The following BOLL variants were observed in gnomAD, a reference collection of about 807,000 sequenced individuals.
The protein encoded by BOLL is boule RNA binding protein, also known as protein boule-like.
In BOLL, 23 loss-of-function variants were observed where a neutral mutation model predicts 44.4. The observed-to-expected ratio is 0.52, with a 90% confidence interval of 0.37 to 0.73. BOLL has a LOEUF of 0.73. Among genes scored for constraint, BOLL ranks in the 30% least tolerant of loss-of-function variants. BOLL has a pLI of 0.00. For missense variants in BOLL, 287 were observed against 338.3 expected, an observed-to-expected ratio of 0.85 and a Z score of 1.19; for synonymous variants, 97 against 110.8, an observed-to-expected ratio of 0.88 and a Z score of 0.78.
intron 5 of BOLL, 87 bp from the exon 6 acceptor site, chr2:197,772,069 T>C: frequency 8.8e-7 from 1 of 1,135,950 alleles, no homozygotes; most frequent in Non-Finnish European, 1.2e-6. Flanking sequence ...AAAATATTTA[T>C]CTTAATATAC....
chr2:197,731,765 A>G (rs955178397), intron 10 of BOLL, among the ~76,000 whole-genome samples: 3 of 152,022 alleles, frequency 2.0e-5, no homozygotes, highest in African/African-American at 7.3e-5. Flanking sequence ...TTTGAAACCA[A>G]CGAGAGCAAA....
chr2:197,755,901 TAAAATAA>T (rs1299095238), intron 9 of BOLL: 2 of 152,026 alleles, frequency 1.3e-5, no homozygotes, highest in African/African-American at 4.8e-5. Flanking sequence ...TAAAATAATA[TAAAATAA>T]AAAATATAAA....
intron 6 of BOLL, among the ~76,000 whole-genome samples, chr2:197,767,697 C>T (rs866157238): frequency 6.6e-6 from 1 of 151,890 alleles, no homozygotes; most frequent in Non-Finnish European, 1.5e-5. Flanking sequence ...AGGGATACTT[C>T]TAAACATCCT....
At chr2:197,786,098 C>T (rs1481093101), upstream of BOLL, 8 of 1,488,520 alleles carry the variant, frequency 5.4e-6, no homozygotes, top group Non-Finnish European at 7.2e-6. This position sits in a 1 kb window ranked among gnomAD's most constrained non-coding sequence, Gnocchi z 5.9. Flanking sequence ...CTTGTCCTGC[C>T]TGGGACTCTC....
chr2:197,756,196 A>G (rs1458130194), intron 9 of BOLL, among the ~76,000 whole-genome samples: 1 of 152,212 alleles, frequency 6.6e-6, no homozygotes, highest in African/African-American at 2.4e-5. Flanking sequence ...CAAATCAAAG[A>G]TTAGCTTAGT....
At chr2:197,733,417 C>T (rs1274915330) in intron 10 of BOLL, among the ~76,000 whole-genome samples, 1 of 150,692 alleles carries the variant, frequency 6.6e-6, no homozygotes, top group African/African-American at 2.4e-5. Flanking sequence ...ATGCCATCCC[C>T]ATCAAGCTAC....
intron 7 of BOLL, among the ~76,000 whole-genome samples, chr2:197,761,521 CAAA>C (rs1195842061): frequency 1.3e-5 from 2 of 151,914 alleles, no homozygotes; most frequent in Non-Finnish European, 2.9e-5. Flanking sequence ...AAAAAATCAC[CAAA>C]AAGAGAGGGA....
At chr2:197,768,113 G>A (rs1407396354) in intron 6 of BOLL, among the ~76,000 whole-genome samples, 1 of 151,968 alleles carries the variant, frequency 6.6e-6, no homozygotes, top group Non-Finnish European at 1.5e-5. Flanking sequence ...ATTAGGAAAT[G>A]TTATTTAAAA....
intron 10 of BOLL, among the ~76,000 whole-genome samples, chr2:197,741,108 C>T (rs540796440): frequency 9.2e-5 from 14 of 152,180 alleles, no homozygotes; most frequent in African/African-American, 2.7e-4. Context: ...TCTTCCTACC[C>T]GTGAGCATGG....
In BOLL at chr2:197,784,391, C is replaced by CATATACATACATAT. The variant is rs1689946803; in HGVS notation, c.-16+664_-16+665insATATGTATGTATAT. On this transcript the variant is annotated intron_variant, in intron 1 of 10. Transcript: ENST00000392296. ...AATACAGTATAACAGCAGTCTAATA[C>CATATACATACATAT]ATATATATATATATATATATATATA... Among the ~76,000 whole-genome samples, 2 of 55,000 alleles carry CATATACATACATAT rather than the reference C, an allele frequency of 3.6e-5. 1 individual carries two copies. The allele number at this position is 55,000 out of a possible 152,430, so 36.1% of individuals were successfully genotyped here. A position where few individuals can be genotyped will look rare whatever the true frequency, so the allele number is the denominator to read the frequency against.
intron 9 of BOLL, among the ~76,000 whole-genome samples, chr2:197,750,343 C>G (rs765157296): frequency 6.6e-6 from 1 of 152,184 alleles, no homozygotes; most frequent in African/African-American, 2.4e-5. Flanking sequence ...TTAAAAGACA[C>G]AGACTGGCAA....
At chr2:197,769,905 T>C (rs1689161156) in intron 6 of BOLL, among the ~76,000 whole-genome samples, 1 of 152,014 alleles carries the variant, frequency 6.6e-6, no homozygotes, top group East Asian at 1.9e-4. Flanking sequence ...GAATCAATAT[T>C]GTGAAAATGG....
chr2:197,773,730 G>A (rs1031655755), intron 5 of BOLL, among the ~76,000 whole-genome samples: 2 of 151,864 alleles, frequency 1.3e-5, no homozygotes, highest in African/African-American at 2.4e-5. Context: ...CTAAAGCATG[G>A]AAAGAAAAGG....
At chr2:197,763,409 G>A (rs1472773276) in intron 7 of BOLL, among the ~76,000 whole-genome samples, 2 of 150,230 alleles carry the variant, frequency 1.3e-5, no homozygotes, top group African/African-American at 2.5e-5. Flanking sequence ...ATGAACCTGG[G>A]AGGCGGAGCT....
chr2:197,743,423 G>A (rs1687850606), intron 9 of BOLL, among the ~76,000 whole-genome samples: 12 of 152,196 alleles, frequency 7.9e-5, no homozygotes, highest in Admixed American at 7.9e-4. Flanking sequence ...AACAGGCAAG[G>A]GAAGAGATTA....
intron 10 of BOLL, among the ~76,000 whole-genome samples, chr2:197,734,203 C>G (rs1392337586): frequency 6.6e-6 from 1 of 151,324 alleles, no homozygotes; most frequent in Admixed American, 6.6e-5. Flanking sequence ...CCAAAAAACA[C>G]ATGAAAAAAT....
At chr2:197,741,190 C>T (rs562852807) in intron 10 of BOLL, among the ~76,000 whole-genome samples, 7 of 152,224 alleles carry the variant, frequency 4.6e-5, no homozygotes, top group Non-Finnish European at 1.0e-4. Flanking sequence ...TTGAAGACGT[C>T]CTTCACATCC....
At chr2:197,740,774 A>G (rs186255716) in intron 10 of BOLL, among the ~76,000 whole-genome samples, 82 of 152,294 alleles carry the variant, frequency 5.4e-4, no homozygotes, top group African/African-American at 1.8e-3. Context: ...ATGGGTGCAC[A>G]GAGTTTCAAC....
At chr2:197,780,743 A>G (rs920104023) in intron 2 of BOLL, among the ~76,000 whole-genome samples, 22 of 150,872 alleles carry the variant, frequency 1.5e-4, no homozygotes, top group African/African-American at 4.7e-4. Flanking sequence ...GGAAATAGTT[A>G]TAAATGTCAA....
Sources: allele counts gnomAD v4.1 joint callset (sites outside exome capture counted in the v4.1 genomes callset), GRCh38; gene constraint gnomAD v4.1.1; non-coding constraint Gnocchi (gnomAD v3.1); transcripts MANE v1.5; gene names NCBI Gene and HGNC (gene_info 2026-07-23, HGNC 2026-07-21).